Variants in C4orf51 observed in about 807,000 individuals in gnomAD.
C4orf51 encodes uncharacterized protein C4orf51.
In C4orf51, 25 loss-of-function variants were observed where a neutral mutation model predicts 25.2. The ratio of observed to expected loss-of-function variants is 0.99; its 90% CI spans 0.72 to 1.39. The LOEUF is 1.39. Ranked by LOEUF, C4orf51 falls within the 40% of genes most tolerant of loss-of-function variation. The pLI, the probability that C4orf51 is intolerant of heterozygous loss-of-function variation, is 0.00. For missense variants in C4orf51, 252 were observed against 239.6 expected, an observed-to-expected ratio of 1.05 and a Z score of -0.34; for synonymous variants, 100 against 84.5, an observed-to-expected ratio of 1.18 and a Z score of -1.01.
intron 1 of C4orf51, among the ~76,000 whole-genome samples, chr4:145,690,134 G>A (rs1479860508): frequency 2.0e-5 from 3 of 151,370 alleles, no homozygotes; most frequent in East Asian, 3.9e-4. Flanking sequence ...TTGAACCCGG[G>A]AGGCGGAGGT....
intron 1 of C4orf51, among the ~76,000 whole-genome samples, chr4:145,687,356 G>T (rs912103497): frequency 1.1e-4 from 16 of 152,130 alleles, no homozygotes; most frequent in African/African-American, 3.9e-4. Flanking sequence ...TTCCTAAAAT[G>T]TATAAAACTA....
the C4orf51 span, among the ~76,000 whole-genome samples, chr4:145,786,379 G>T: frequency 6.6e-6 from 1 of 152,210 alleles, no homozygotes; most frequent in Non-Finnish European, 1.5e-5. Flanking sequence ...GTAAGCAAAA[G>T]ATTGGCCAAA....
chr4:145,680,537 C>G (rs900541146), intron 1 of C4orf51, 101 bp downstream of exon 1: 5 of 792,852 alleles, frequency 6.3e-6, no homozygotes, highest in African/African-American at 5.2e-5. Flanking sequence ...ACTTCATAGA[C>G]TTTAACCCTC....
the C4orf51 span, among the ~76,000 whole-genome samples, chr4:145,786,589 C>G: frequency 6.6e-6 from 1 of 152,094 alleles, no homozygotes. Context: ...TAGGTTAAAA[C>G]CTACCAGGTC....
chr4:145,727,958 ATAAT>A (rs1446835308), intron 3 of C4orf51, among the ~76,000 whole-genome samples: 11 of 121,544 alleles, frequency 9.1e-5, no homozygotes, highest in African/African-American at 1.5e-4. Context: ...ATATAATAAT[ATAAT>A]ATATAATATA....
downstream of C4orf51, among the ~76,000 whole-genome samples, chr4:145,736,676 G>A (rs916453302): frequency 3.3e-5 from 5 of 152,180 alleles, no homozygotes; most frequent in African/African-American, 1.2e-4. Flanking sequence ...ATCCTGGGAA[G>A]GGCCAGGTCT....
At chr4:145,785,104 G>A in the C4orf51 span, among the ~76,000 whole-genome samples, 1 of 152,154 alleles carries the variant, frequency 6.6e-6, no homozygotes, top group African/African-American at 2.4e-5. Flanking sequence ...GTAGGATTAA[G>A]CACTTTTGTC....
intron 1 of C4orf51, among the ~76,000 whole-genome samples, chr4:145,770,486 T>C (rs951485526): frequency 2.0e-5 from 3 of 151,764 alleles, no homozygotes; most frequent in Non-Finnish European, 2.9e-5. Context: ...CCTCATATGG[T>C]GGTTGTGATA....
chr4:145,706,406 G>T (rs1273137857), intron 2 of C4orf51, among the ~76,000 whole-genome samples: 1 of 152,078 alleles, frequency 6.6e-6, no homozygotes, highest in African/African-American at 2.4e-5. Flanking sequence ...CTCTCCTCTT[G>T]TGGTCTCAAG....
intron 2 of C4orf51, among the ~76,000 whole-genome samples, chr4:145,714,289 A>C (rs1274216913): frequency 6.6e-6 from 1 of 152,232 alleles, no homozygotes; most frequent in East Asian, 1.9e-4. Flanking sequence ...CATATATAGT[A>C]AAGAGGTTAC....
At chr4:145,751,152 T>C (rs1387087511) in intron 1 of C4orf51, among the ~76,000 whole-genome samples, 1 of 152,194 alleles carries the variant, frequency 6.6e-6, no homozygotes, top group Non-Finnish European at 1.5e-5. Context: ...GGTGCCTTAC[T>C]TAGTTCATTT....
the C4orf51 span, among the ~76,000 whole-genome samples, chr4:145,787,258 T>G: frequency 1.5e-3 from 232 of 151,570 alleles, 2 homozygotes; most frequent in Middle Eastern, 0.017. Flanking sequence ...AGGTCAGGAG[T>G]TCGAGAACAG....
downstream of C4orf51, among the ~76,000 whole-genome samples, chr4:145,773,227 C>G (rs1178777334): frequency 6.6e-6 from 1 of 152,234 alleles, no homozygotes; most frequent in Non-Finnish European, 1.5e-5. Context: ...TCCCAGCTCA[C>G]CTGCTGCCCA....
In C4orf51 at chr4:145,716,770, T is replaced by C. The variant is rs190101518; in HGVS notation, c.308-10141T>C. On this transcript the variant is annotated intron_variant, in intron 2 of 5. Transcript: ENST00000438731. The stretch of plus-strand genomic sequence containing the variant: ...AAAGGTTTTTGATGGTTGCCTTGGA[T>C]GATCACTATTCTGTTAGCTTTCCTA... Among the ~76,000 whole-genome samples the C allele has an allele frequency of 1.1e-3, 169 of 152,346 alleles. 1 individual carries two copies. Among genetic ancestry groups the C allele is most frequent in the Middle Eastern group, 6.8e-3 (2 of 294 alleles).
chr4:145,759,454 C>T (rs1039222420), intron 1 of C4orf51: 2 of 152,190 alleles, frequency 1.3e-5, no homozygotes, highest in African/African-American at 4.8e-5. Flanking sequence ...CAGGTTACAT[C>T]TACCAGGCGT....
chr4:145,742,529 CTTGTTT>C (rs1733152804), intron 1 of C4orf51, among the ~76,000 whole-genome samples: 1 of 98,890 alleles, frequency 1.0e-5, no homozygotes, highest in Non-Finnish European at 2.0e-5. Context: ...TTTTCTTTTT[CTTGTTT>C]TTTTTTTTTT....
At chr4:145,722,069 TG>T (rs1339947269) in intron 2 of C4orf51, among the ~76,000 whole-genome samples, 4 of 152,116 alleles carry the variant, frequency 2.6e-5, no homozygotes, top group African/African-American at 7.2e-5. Flanking sequence ...GGCAGATAAA[TG>T]GGGGAGGGCA....
chr4:145,766,092 A>T (rs1365926029), intron 1 of C4orf51, among the ~76,000 whole-genome samples: 1 of 152,218 alleles, frequency 6.6e-6, no homozygotes, highest in Non-Finnish European at 1.5e-5. Flanking sequence ...CCTGTGTGGC[A>T]CAACTGTTAT....
chr4:145,761,882 G>A lies in C4orf51; in HGVS notation n.167-9106G>A, dbSNP rs1019672659. Among the ~76,000 whole-genome samples the A allele has an allele frequency of 6.6e-6, 1 of 152,206 alleles. No individual in the cohort carries two copies. Among genetic ancestry groups the A allele is most frequent in the Non-Finnish European group, 1.5e-5 (1 of 68,028 alleles). ...AGGCCAGCCCTCACCAAGGGGAGCAGAGAAAGTGCCAGGAATCAATTTGCT... is the reference window on the plus strand; with the variant it reads ...AGGCCAGCCCTCACCAAGGGGAGCAAAGAAAGTGCCAGGAATCAATTTGCT... On this transcript the variant is annotated intron_variant and non_coding_transcript_variant, in intron 1 of 1. Coordinates refer to the C4orf51 transcript ENST00000510096. The surrounding 1 kb of genome is among the most constrained non-coding windows in gnomAD (Gnocchi z 6.8).
Sources: gnomAD v4.1 joint callset for allele counts (sites outside exome capture counted in the v4.1 genomes callset) on GRCh38, gnomAD v4.1.1 for gene constraint, Gnocchi (gnomAD v3.1) non-coding constraint, MANE v1.5 for transcripts, NCBI Gene and HGNC (gene_info 2026-07-23, HGNC 2026-07-21) for gene names.